Variants in ANKRD30BL observed in about 807,000 individuals in gnomAD.
ANKRD30BL encodes the protein putative ankyrin repeat domain-containing protein 30B-like.
Under a neutral mutation model 18.4 loss-of-function variants are expected in ANKRD30BL, and 20 were observed. The ratio of observed to expected loss-of-function variants is 1.09; its 90% CI spans 0.77 to 1.58. The LOEUF (loss-of-function observed/expected upper bound fraction) is 1.58, where lower values mean the gene tolerates loss of function less well. ANKRD30BL is among the 40% of genes most tolerant of loss of function. The pLI, the probability that ANKRD30BL is intolerant of heterozygous loss-of-function variation, is 0.00. For synonymous variants in ANKRD30BL, 72 were observed against 100.9 expected (o/e 0.71, Z 1.72); for missense variants, 224 against 268.6 (o/e 0.83, Z 1.16).
In ANKRD30BL at chr2:132,213,962, G is replaced by A. The variant is rs1431736261; in HGVS notation, n.441+43567C>T. Among the ~76,000 whole-genome samples, 3 of 151,064 alleles carry A rather than the reference G, an allele frequency of 2.0e-5. No individual in the cohort carries two copies. The Admixed American group carries it at 2.0e-4, about 10-fold the overall frequency. The stretch of plus-strand genomic sequence containing the variant: ...TAAATGGACATTTGGAGTACTTTGA[G>A]GGTGATGGTCAATAACGAAATATAT... On this transcript the variant is annotated intron_variant and non_coding_transcript_variant, in intron 1 of 4. Coordinates refer to the ANKRD30BL transcript ENST00000470729.
intron 1 of ANKRD30BL, among the ~76,000 whole-genome samples, chr2:132,178,426 T>A (rs1688400881): frequency 6.6e-6 from 1 of 152,200 alleles, no homozygotes; most frequent in African/African-American, 2.4e-5. Flanking sequence ...GGTGGCCAGA[T>A]GATTTGACTA....
chr2:132,237,360 A>T (rs990654813), intron 1 of ANKRD30BL, among the ~76,000 whole-genome samples: 1 of 152,084 alleles, frequency 6.6e-6, no homozygotes, highest in African/African-American at 2.4e-5. Flanking sequence ...CTTTCCTTTG[A>T]TACAGCAGTT....
At chr2:132,239,048 C>G (rs1478194404) in intron 1 of ANKRD30BL, among the ~76,000 whole-genome samples, 1 of 152,120 alleles carries the variant, frequency 6.6e-6, no homozygotes, top group Non-Finnish European at 1.5e-5. Flanking sequence ...TTTCATAGAG[C>G]AGTTTTGAAA....
At chr2:132,242,978 T>G (rs796984515) in intron 1 of ANKRD30BL, among the ~76,000 whole-genome samples, 1 of 151,706 alleles carries the variant, frequency 6.6e-6, no homozygotes, top group Non-Finnish European at 1.5e-5. Flanking sequence ...ACAGCAGTTT[T>G]GAAACACTCT....
At chr2:132,247,733 C>T (rs533387417) in intron 1 of ANKRD30BL, among the ~76,000 whole-genome samples, 1 of 152,082 alleles carries the variant, frequency 6.6e-6, no homozygotes, top group Admixed American at 6.6e-5. Context: ...TCCCAGAATG[C>T]TTCTGTATAG....
chr2:132,237,891 ACT>A, intron 1 of ANKRD30BL, among the ~76,000 whole-genome samples: 1 of 151,666 alleles, frequency 6.6e-6, no homozygotes, highest in African/African-American at 2.4e-5. Context: ...TTTTTGAAAC[ACT>A]CTTTTTGCAG....
chr2:132,257,478 C>G (rs973253206), intron 1 of ANKRD30BL: 2 of 264,180 alleles, frequency 7.6e-6, no homozygotes, highest in African/African-American at 4.7e-5. Context: ...GACGAGCTTC[C>G]CTGGGTCCCC....
intron 1 of ANKRD30BL, among the ~76,000 whole-genome samples, chr2:132,199,285 G>C (rs1376104037): frequency 6.6e-6 from 1 of 152,004 alleles, no homozygotes; most frequent in Non-Finnish European, 1.5e-5. Flanking sequence ...GCTTGAACTT[G>C]GGAGGCATAG....
intron 1 of ANKRD30BL, among the ~76,000 whole-genome samples, chr2:132,189,907 A>G (rs1483458655): frequency 6.6e-6 from 1 of 152,158 alleles, no homozygotes; most frequent in African/African-American, 2.4e-5. Context: ...AATTAATTGT[A>G]TTATATGTTA....
chr2:132,196,736 G>A (rs1489841206), intron 1 of ANKRD30BL, among the ~76,000 whole-genome samples: 1 of 151,802 alleles, frequency 6.6e-6, no homozygotes, highest in African/African-American at 2.4e-5. Context: ...GAACCCAGGA[G>A]TAGGAGGTTG....
chr2:132,243,624 C>T (rs1404344689), intron 1 of ANKRD30BL, among the ~76,000 whole-genome samples: 1 of 151,658 alleles, frequency 6.6e-6, no homozygotes, highest in Admixed American at 6.6e-5. Flanking sequence ...GCATTCAGCT[C>T]ACAGAGCTGA....
intron 1 of ANKRD30BL, among the ~76,000 whole-genome samples, chr2:132,215,468 C>T (rs1158239119): frequency 6.6e-6 from 1 of 152,052 alleles, no homozygotes; most frequent in Non-Finnish European, 1.5e-5. Context: ...CCTTTTGGTG[C>T]TATCTGCAAA....
At chr2:132,155,536 C>T (rs1687879084) in intron 3 of ANKRD30BL, 1 of 152,082 alleles carries the variant, frequency 6.6e-6, no homozygotes, top group African/African-American at 2.4e-5. Context: ...ACTTTGATTG[C>T]TTATTATTAA....
intron 1 of ANKRD30BL, among the ~76,000 whole-genome samples, chr2:132,230,029 G>T (rs566793511): frequency 4.6e-5 from 7 of 152,080 alleles, no homozygotes; most frequent in Admixed American, 3.9e-4. Flanking sequence ...AACTCACAGC[G>T]TTGAAACTTT....
chr2:132,213,096 G>A (rs139739241), intron 1 of ANKRD30BL, among the ~76,000 whole-genome samples: 1,603 of 151,096 alleles, frequency 0.011, 28 homozygotes, highest in African/African-American at 0.036. Flanking sequence ...TTTTATAGGA[G>A]CAGCAAGTGG....
upstream of ANKRD30BL, chr2:132,162,032 C>G (rs763348245): frequency 4.0e-6 from 1 of 247,620 alleles, no homozygotes; most frequent in African/African-American, 2.2e-5. Context: ...TCGCCCAGCA[C>G]GGCGTGCAGG....
intron 1 of ANKRD30BL, among the ~76,000 whole-genome samples, chr2:132,192,928 C>T (rs574946487): frequency 2.6e-5 from 4 of 152,130 alleles, no homozygotes; most frequent in Non-Finnish European, 4.4e-5. Flanking sequence ...ATTTCTTTGC[C>T]GTAGTCAGTG....
intron 1 of ANKRD30BL, among the ~76,000 whole-genome samples, chr2:132,220,515 C>T (rs964078469): frequency 1.2e-4 from 19 of 152,038 alleles, no homozygotes; most frequent in African/African-American, 3.9e-4. Flanking sequence ...AGGCGCGCGT[C>T]GCCACGCCTG....
intron 1 of ANKRD30BL, among the ~76,000 whole-genome samples, chr2:132,161,244 A>G (rs953215451): frequency 1.3e-5 from 2 of 152,106 alleles, no homozygotes; most frequent in African/African-American, 2.4e-5. Context: ...GAAAGCAGCT[A>G]AAGTTTGGGG....
Sources: allele counts gnomAD v4.1 joint callset (sites outside exome capture counted in the v4.1 genomes callset), GRCh38; gene constraint gnomAD v4.1.1; transcripts MANE v1.5; gene names NCBI Gene and HGNC (gene_info 2026-07-23, HGNC 2026-07-21).